NCBP3: variants seen among roughly 807,000 people sequenced by gnomAD.
NCBP3 encodes the protein nuclear cap-binding protein subunit 3.
NCBP3 carries 20 observed loss-of-function variants against 75.7 expected under a neutral mutation model. The ratio of observed to expected loss-of-function variants is 0.26; its 90% CI spans 0.19 to 0.38. The LOEUF (loss-of-function observed/expected upper bound fraction) is 0.38. Ranked by LOEUF, NCBP3 falls within the 10% of genes least tolerant of loss-of-function variation. The probability of loss-of-function intolerance (pLI) is 1.00; values close to 1 mark genes in which losing one functional copy is unlikely to be tolerated. For synonymous variants in NCBP3, 293 were observed against 290.5 expected (o/e 1.01, Z -0.09); for missense variants, 678 against 796.9 (o/e 0.85, Z 1.80).
Position 3,803,841 on chromosome 17 carries a change from C to A in NCBP3, c.*9203G>T, listed in dbSNP as rs897995306. Reference sequence around the variant, plus strand: ...CTGTAATCCCAGCACTTTGGGAGGCCGAGGCGGGCGGATCACAAAGTCAGG... The same window carrying A: ...CTGTAATCCCAGCACTTTGGGAGGCAGAGGCGGGCGGATCACAAAGTCAGG... On this transcript the variant is annotated 3_prime_UTR_variant, in exon 13 of 13. Transcript: ENST00000389005. 2 of 152,052 alleles carry A rather than the reference C, an allele frequency of 1.3e-5. No individual in the cohort carries two copies. Among genetic ancestry groups the A allele is most frequent in the Admixed American group, 6.6e-5 (1 of 15,264 alleles). The allele number at this position is 152,052 out of a possible 1,614,324, so 9.4% of individuals were successfully genotyped here. A position where few individuals can be genotyped will look rare whatever the true frequency, so the allele number is the denominator to read the frequency against.
At chr17:3,824,761 A>G (rs979287469) in intron 7 of NCBP3, 181 bp downstream of exon 7, 5 of 373,842 alleles carry the variant, frequency 1.3e-5, no homozygotes, top group African/African-American at 2.1e-5. Flanking sequence ...GTTAATATTC[A>G]CTTTTAAAGT....
rs191526958 is a variant in NCBP3, at chr17:3,819,808, A to T, written c.1001-1236T>A. 3.2e-3 allele frequency among the ~76,000 whole-genome samples: 491 copies of T among 152,344 alleles called. 3 individuals carry two copies. The highest frequency in any genetic ancestry group is 0.011 in the African/African-American group (471 of 41,574). ...TGAAAACAAATGGGAAAAATGTAAG[A>T]TGAACTCAGTCATCATACAGGGTAC... On this transcript the variant is annotated intron_variant, in intron 9 of 12. Coordinates refer to ENST00000389005, the MANE Select transcript of NCBP3 (RefSeq NM_001114118.3).
intron 1 of NCBP3, among the ~76,000 whole-genome samples, chr17:3,845,712 C>T (rs1467887894): frequency 6.6e-6 from 1 of 152,168 alleles, no homozygotes; most frequent in Non-Finnish European, 1.5e-5. Context: ...AGGGCTCCCC[C>T]TTTATCTCAT....
In NCBP3 at chr17:3,805,472, C is replaced by T. The variant is rs1487041145; in HGVS notation, c.*7572G>A. ...GGTCATAATCCAGCAAGATTGGTGGCCTTACAAGAGCCATGTGCAGGCACC... is the reference window on the plus strand; with the variant it reads ...GGTCATAATCCAGCAAGATTGGTGGTCTTACAAGAGCCATGTGCAGGCACC... On this transcript the variant is annotated 3_prime_UTR_variant, in exon 13 of 13. Coordinates refer to ENST00000389005, the MANE Select transcript of NCBP3 (RefSeq NM_001114118.3). The T allele has an allele frequency of 6.6e-6, 1 of 152,126 alleles. No homozygotes were observed. 9.4% of individuals were successfully genotyped at this position (152,126 alleles called of 1,614,324 possible). A position where few individuals can be genotyped will look rare whatever the true frequency, so the allele number is the denominator to read the frequency against.
chr17:3,825,090 C>A (rs1361482184), intron 6 of NCBP3, 40 bp from the exon 7 acceptor site: 4 of 1,167,972 alleles, frequency 3.4e-6, no homozygotes, highest in Non-Finnish European at 4.8e-6. Flanking sequence ...AAATTAAAGT[C>A]CTTTTGATAT....
rs1430177056 is a variant in NCBP3 at position 3,825,916 on chromosome 17, C to G, written c.611-73G>C. On this transcript the variant is annotated intron_variant, in intron 5 of 12. Transcript: ENST00000389005. Reference sequence around the variant, plus strand: ...TATAATGAGATACAAGATGAACTATCTCATATAATTTTAAAAGTCCAGTAT... The same window carrying G: ...TATAATGAGATACAAGATGAACTATGTCATATAATTTTAAAAGTCCAGTAT... 6.4e-6 allele frequency: 9 copies of G among 1,415,812 alleles called. No homozygotes were observed. The East Asian group carries it at 2.2e-4, about 35-fold the overall frequency. 87.7% of individuals were successfully genotyped at this position (1,415,812 alleles called of 1,614,324 possible).
chr17:3,840,782 TA>T (rs2054050377), intron 2 of NCBP3, among the ~76,000 whole-genome samples: 1 of 152,208 alleles, frequency 6.6e-6, no homozygotes, highest in Non-Finnish European at 1.5e-5. Flanking sequence ...CTAGTCTGTT[TA>T]AAAATAACAC....
At chr17:3,841,061 C>T (rs976693231) in intron 2 of NCBP3, among the ~76,000 whole-genome samples, 3 of 152,186 alleles carry the variant, frequency 2.0e-5, no homozygotes, top group African/African-American at 4.8e-5. Flanking sequence ...ACAGCAACCT[C>T]CGCCTCCCGG....
intron 4 of NCBP3, 102 bp downstream of exon 4, chr17:3,829,140 TA>T: frequency 7.6e-7 from 1 of 1,308,888 alleles, no homozygotes; most frequent in Non-Finnish European, 1.0e-6. Context: ...AAGTTCGGCA[TA>T]AACAAGTAGT....
chr17:3,840,200 T>G lies in NCBP3; in HGVS notation c.255A>C (p.Ala85=), dbSNP rs2054039933. The G allele has an allele frequency of 6.4e-7, 1 of 1,551,418 alleles. No individual in the cohort carries two copies. Residue 85 remains alanine, a synonymous_variant, in exon 3 of 13, where the codon GCA becomes GCC. Coordinates refer to ENST00000389005, the MANE Select transcript of NCBP3 (RefSeq NM_001114118.3). ...ITGIDVTSKE[A]IEKKEQRAKR... ...TGGCTCGCTGCTCTTTCTTTTCAATTGCTTCCTAGAAAGTACAGAAAAAGT... is the reference window on the plus strand; with the variant it reads ...TGGCTCGCTGCTCTTTCTTTTCAATGGCTTCCTAGAAAGTACAGAAAAAGT...
Position 3,802,578 on chromosome 17 carries a change from C to G in NCBP3, c.*10466G>C, listed in dbSNP as rs1392173156. 1 of 152,228 alleles carries G rather than the reference C, an allele frequency of 6.6e-6. No homozygotes were observed. Among genetic ancestry groups the G allele is most frequent in the Non-Finnish European group, 1.5e-5 (1 of 68,052 alleles). 9.4% of individuals were successfully genotyped at this position (152,228 alleles called of 1,614,324 possible). Reference sequence around the variant, plus strand: ...ATGAAACCATCCTACTTCTGTTGAACCTCGTCCCAGGCAGGATCGGGGCCT... The same window carrying G: ...ATGAAACCATCCTACTTCTGTTGAAGCTCGTCCCAGGCAGGATCGGGGCCT... On this transcript the variant is annotated 3_prime_UTR_variant, in exon 13 of 13. Coordinates refer to ENST00000389005, the MANE Select transcript of NCBP3 (RefSeq NM_001114118.3).
intron 3 of NCBP3, among the ~76,000 whole-genome samples, chr17:3,836,677 A>G (rs534417975): frequency 2.0e-5 from 3 of 148,546 alleles, no homozygotes; most frequent in Admixed American, 1.3e-4. Context: ...AAAAAAAAGA[A>G]TTCCTGTCAT....
Position 3,818,594 on chromosome 17 carries a change from A to T in NCBP3, c.1001-22T>A. 1 of 1,574,916 alleles carries T rather than the reference A, an allele frequency of 6.3e-7. No individual in the cohort carries two copies. Among genetic ancestry groups the T allele is most frequent in the African/African-American group, 1.4e-5 (1 of 73,792 alleles). ...AGCCCTGAAGAAATTTAACCAGAAA[A>T]CATTAGGAAAAGCACTAAAATTAAC... On this transcript the variant is annotated intron_variant, in intron 9 of 12. Coordinates refer to ENST00000389005, the MANE Select transcript of NCBP3 (RefSeq NM_001114118.3). This position sits in a 1 kb window ranked among gnomAD's most constrained non-coding sequence, Gnocchi z 4.7.
chr17:3,833,866 A>G (rs554631772), intron 3 of NCBP3, among the ~76,000 whole-genome samples: 2 of 152,034 alleles, frequency 1.3e-5, no homozygotes, highest in Non-Finnish European at 2.9e-5. Flanking sequence ...AAGTCTCCCT[A>G]ATGTTTTCTC....
intron 9 of NCBP3, among the ~76,000 whole-genome samples, chr17:3,820,878 C>T (rs770233870): frequency 2.0e-5 from 3 of 150,910 alleles, no homozygotes; most frequent in African/African-American, 2.4e-5. Context: ...TGCAGTGAGC[C>T]GAGATCAAGC....
chr17:3,845,234 A>G (rs938813744), intron 1 of NCBP3, among the ~76,000 whole-genome samples: 1 of 152,200 alleles, frequency 6.6e-6, no homozygotes, highest in African/African-American at 2.4e-5. Flanking sequence ...ATCTCTAGCG[A>G]TCATACTTTA....
rs770574500 is a variant in NCBP3 at position 3,818,255 on chromosome 17, A to G, written c.1310+8T>C. On this transcript the variant is annotated splice_region_variant and intron_variant, in intron 10 of 12. Coordinates refer to ENST00000389005, the MANE Select transcript of NCBP3 (RefSeq NM_001114118.3). The surrounding 1 kb of genome is among the most constrained non-coding windows in gnomAD (Gnocchi z 4.7). ...TTAAAAGCTAGCTTTGATAAAACAA[A>G]TTTTTACCTAATATTTTTCAACTGA... 3.8e-6 allele frequency: 6 copies of G among 1,561,364 alleles called. No individual in the cohort carries two copies. Among genetic ancestry groups the G allele is most frequent in the Non-Finnish European group, 5.2e-6 (6 of 1,153,616 alleles).
intron 3 of NCBP3, among the ~76,000 whole-genome samples, chr17:3,830,326 AAAT>A (rs1327173115): frequency 2.0e-5 from 3 of 152,238 alleles, no homozygotes; most frequent in Non-Finnish European, 4.4e-5. Flanking sequence ...CCACATTATA[AAAT>A]ATTATGTGGT....
At chr17:3,827,048 C>T (rs1318448251) in intron 4 of NCBP3, among the ~76,000 whole-genome samples, 2 of 119,834 alleles carry the variant, frequency 1.7e-5, no homozygotes, top group African/African-American at 3.3e-5. Context: ...TGGAACGGAA[C>T]GGAAAGGAAA....
Sources: gnomAD v4.1 joint callset for allele counts (sites outside exome capture counted in the v4.1 genomes callset) on GRCh38, gnomAD v4.1.1 for gene constraint, Gnocchi (gnomAD v3.1) non-coding constraint, MANE v1.5 for transcripts, NCBI Gene and HGNC (gene_info 2026-07-23, HGNC 2026-07-21) for gene names.